The following PDE9A variants were observed in gnomAD, a reference collection of about 807,000 sequenced individuals.
The protein encoded by PDE9A is phosphodiesterase 9A, also known as high affinity cGMP-specific 3',5'-cyclic phosphodiesterase 9A.
PDE9A carries 60 observed loss-of-function variants against 87.4 expected under a neutral mutation model. That is an observed-to-expected ratio of 0.69 (90% CI 0.56 to 0.85). The LOEUF is 0.85. Ranked by LOEUF, PDE9A falls within the 40% of genes least tolerant of loss-of-function variation. The probability of loss-of-function intolerance (pLI) is 0.00; values close to 1 mark genes in which losing one functional copy is unlikely to be tolerated. For synonymous variants in PDE9A, 272 were observed against 279.4 expected, an observed-to-expected ratio of 0.97 and a Z score of 0.27; for missense variants, 665 against 779.0, an observed-to-expected ratio of 0.85 and a Z score of 1.74.
chr21:42,746,250 A>G (rs960886519), intron 8 of PDE9A, among the ~76,000 whole-genome samples: 3 of 152,112 alleles, frequency 2.0e-5, no homozygotes, highest in Non-Finnish European at 4.4e-5. Context: ...GCAGGGGGGA[A>G]GATTATTTTT....
chr21:42,743,711 A>G (rs756362178), intron 7 of PDE9A, 65 bp from the exon 8 acceptor site: 55 of 1,048,644 alleles, frequency 5.2e-5, no homozygotes, highest in Non-Finnish European at 7.4e-5. Flanking sequence ...CTTAGTTACC[A>G]GCCTTGAGAG....
chr21:42,670,082 C>T (rs543091400), intron 1 of PDE9A, among the ~76,000 whole-genome samples: 5 of 149,362 alleles, frequency 3.3e-5, no homozygotes, highest in East Asian at 3.9e-4. Context: ...CACATACTTA[C>T]ACACATTCTC....
chr21:42,671,889 G>A (rs1285910656), intron 1 of PDE9A, among the ~76,000 whole-genome samples: 3 of 152,184 alleles, frequency 2.0e-5, no homozygotes, highest in Admixed American at 6.5e-5. Context: ...AGTGGGTTGC[G>A]TTTGGCTGGT....
intron 3 of PDE9A, among the ~76,000 whole-genome samples, chr21:42,691,654 C>T (rs2146246614): frequency 6.6e-6 from 1 of 151,840 alleles, no homozygotes; most frequent in South Asian, 2.1e-4. Flanking sequence ...CCAGATCCAT[C>T]ACCATCACCA....
intron 1 of PDE9A, among the ~76,000 whole-genome samples, chr21:42,655,387 G>C (rs1226290200): frequency 6.6e-6 from 1 of 152,220 alleles, no homozygotes. Flanking sequence ...CAGGTGAAAA[G>C]TGGAGGAGAG....
intron 7 of PDE9A, among the ~76,000 whole-genome samples, chr21:42,738,924 C>A: frequency 6.6e-6 from 1 of 152,216 alleles, no homozygotes; most frequent in East Asian, 1.9e-4. Context: ...CTCCTGACCT[C>A]AGGTGATCCA....
chr21:42,736,721 G>T (rs1251907433), intron 7 of PDE9A, among the ~76,000 whole-genome samples: 1 of 152,182 alleles, frequency 6.6e-6, no homozygotes, highest in Non-Finnish European at 1.5e-5. Flanking sequence ...GAGGTCAGGG[G>T]GGACTCTCCT....
intron 4 of PDE9A, among the ~76,000 whole-genome samples, chr21:42,706,605 C>G (rs931934384): frequency 3.3e-5 from 5 of 152,000 alleles, no homozygotes; most frequent in Non-Finnish European, 4.4e-5. Flanking sequence ...GATCACACCA[C>G]TGCACTCTAG....
chr21:42,670,508 T>TCA (rs200958091), intron 1 of PDE9A, among the ~76,000 whole-genome samples: 5 of 147,262 alleles, frequency 3.4e-5, no homozygotes, highest in Non-Finnish European at 7.6e-5. Context: ...ACTCACACCT[T>TCA]CACACACACA....
intron 19 of PDE9A, among the ~76,000 whole-genome samples, chr21:42,774,466 A>G (rs369040790): frequency 2.0e-5 from 3 of 152,336 alleles, no homozygotes; most frequent in African/African-American, 7.2e-5. Context: ...TGCTCAGTCA[A>G]TGTTGCCATT....
chr21:42,717,900 G>GGTTTTTTTGTTTGTTT (rs1555920815), intron 4 of PDE9A, among the ~76,000 whole-genome samples: 41 of 150,790 alleles, frequency 2.7e-4, no homozygotes, highest in African/African-American at 9.5e-4. Context: ...CTTTCTTTGG[G>GGTTTTTTTGTTTGTTT]GTTTGTTTGT....
chr21:42,656,275 A>G (rs1310034391), intron 1 of PDE9A, among the ~76,000 whole-genome samples: 1 of 152,140 alleles, frequency 6.6e-6, no homozygotes, highest in Non-Finnish European at 1.5e-5. Context: ...GTTCGTCGGC[A>G]CCACCTGGCC....
intron 1 of PDE9A, among the ~76,000 whole-genome samples, chr21:42,685,039 C>T (rs546073669): frequency 3.7e-4 from 56 of 151,942 alleles, no homozygotes; most frequent in African/African-American, 1.3e-3. Context: ...CCTAGGCCTG[C>T]GTTTCCCCCA....
chr21:42,713,599 T>G (rs910978436), intron 4 of PDE9A, among the ~76,000 whole-genome samples: 1 of 152,262 alleles, frequency 6.6e-6, no homozygotes, highest in African/African-American at 2.4e-5. Flanking sequence ...AAGTTTACTT[T>G]CTTCTGTATT....
rs540794234 is a variant in PDE9A at position 42,725,968 on chromosome 21, G to A, written c.263-5802G>A. ...CCCACCAGCCACGAGTGAGTGAGCC[G>A]TGTTTCCACGGGGGTTGGCATTATT... is the stretch of plus-strand genomic sequence containing the variant. On this transcript the variant is annotated intron_variant, in intron 4 of 19. Transcript: ENST00000291539. Among the ~76,000 whole-genome samples, 39 of 152,296 alleles carry A rather than the reference G, an allele frequency of 2.6e-4. No individual in the cohort carries two copies. In the Middle Eastern group the frequency reaches 0.01, roughly 40 times the overall value.
rs2147103359 is a variant in PDE9A at position 42,760,954 on chromosome 21, C to T, written c.1085+47C>T. The T allele has an allele frequency of 1.6e-6, 2 of 1,234,460 alleles. No individual in the cohort carries two copies. The highest frequency in any genetic ancestry group is 1.2e-5 in the South Asian group (1 of 82,988). 76.5% of individuals were successfully genotyped at this position (1,234,460 alleles called of 1,614,324 possible). On this transcript the variant is annotated intron_variant, in intron 13 of 19. Transcript: ENST00000291539. The surrounding 1 kb of genome is among the most constrained non-coding windows in gnomAD (Gnocchi z 5.2). The stretch of plus-strand genomic sequence containing the variant: ...TTTTTCCTTTTAAAAGGCACCCTGG[C>T]TACTGGAGGGAACCTGTCAGCCCAA...
rs1198551227 is a variant in PDE9A at position 42,768,243 on chromosome 21, A to T, written c.1412A>T (p.Glu471Val). 1 of 1,611,014 alleles carries T rather than the reference A, an allele frequency of 6.2e-7. No homozygotes were observed. The highest frequency in any genetic ancestry group is 1.1e-5 in the South Asian group (1 of 91,016). Residue 471 changes from glutamate to valine, a missense_variant, in exon 16 of 20, where the codon GAA becomes GTA. By Grantham distance (121) the Glu-to-Val change is moderately radical. Transcript: ENST00000291539. ...ATCTCTAACGAGGTCCGTCCAATGG[A>T]AGTCGCAGAGCCTTGGGTGGACTGT... ...CDISNEVRPM[E>V]VAEPWVDCLL...
intron 7 of PDE9A, among the ~76,000 whole-genome samples, chr21:42,740,502 GAGAT>G (rs1346433889): frequency 2.0e-5 from 3 of 151,630 alleles, no homozygotes; most frequent in South Asian, 2.1e-4. Context: ...GGTGGATAGA[GAGAT>G]AGAACGGATA....
At chr21:42,712,593 A>G (rs1288917114) in intron 4 of PDE9A, among the ~76,000 whole-genome samples, 1 of 152,216 alleles carries the variant, frequency 6.6e-6, no homozygotes, top group African/African-American at 2.4e-5. Context: ...CTTGTTCCCA[A>G]TCTTAGAGGA....
Sources: gnomAD v4.1 joint callset for allele counts (sites outside exome capture counted in the v4.1 genomes callset) on GRCh38, gnomAD v4.1.1 for gene constraint, Gnocchi (gnomAD v3.1) non-coding constraint, MANE v1.5 for transcripts, NCBI Gene and HGNC (gene_info 2026-07-23, HGNC 2026-07-21) for gene names.